TTC39B: variants seen among roughly 807,000 people sequenced by gnomAD.
The protein encoded by TTC39B is tetratricopeptide repeat protein 39B.
In TTC39B, 92 loss-of-function variants were observed where a neutral mutation model predicts 96.6. That is an observed-to-expected ratio of 0.95 (90% CI 0.80 to 1.13). The LOEUF (loss-of-function observed/expected upper bound fraction) is 1.13. TTC39B is among the 50% of genes most tolerant of loss of function. The probability of loss-of-function intolerance (pLI) is 0.00; values close to 1 mark genes in which losing one functional copy is unlikely to be tolerated. For missense variants in TTC39B, 955 were observed against 809.3 expected (o/e 1.18, Z -2.18); for synonymous variants, 367 against 299.4 (o/e 1.23, Z -2.33).
At chr9:15,217,264 C>G (rs977416213) in intron 3 of TTC39B, among the ~76,000 whole-genome samples, 4 of 152,188 alleles carry the variant, frequency 2.6e-5, no homozygotes, top group Non-Finnish European at 5.9e-5. Flanking sequence ...CCCATTTTAA[C>G]TCCTGCCAAT....
At chr9:15,270,655 C>G (rs888379818) in intron 1 of TTC39B, among the ~76,000 whole-genome samples, 1 of 151,516 alleles carries the variant, frequency 6.6e-6, no homozygotes, top group African/African-American at 2.4e-5. Flanking sequence ...TGGTGCACAC[C>G]TGTAGTCCCA....
chr9:15,267,425 T>C (rs1045703554), intron 2 of TTC39B, among the ~76,000 whole-genome samples: 4 of 152,250 alleles, frequency 2.6e-5, no homozygotes, highest in South Asian at 2.1e-4. Flanking sequence ...GCTATACACA[T>C]GTAAAACTTA....
At chr9:15,244,389 G>C (rs1402993995) in intron 2 of TTC39B, among the ~76,000 whole-genome samples, 1 of 152,220 alleles carries the variant, frequency 6.6e-6, no homozygotes, top group Non-Finnish European at 1.5e-5. Flanking sequence ...CGGGCAGTGT[G>C]GCTTTGCGCC....
At chr9:15,246,929 T>C (rs1046816157) in intron 2 of TTC39B, among the ~76,000 whole-genome samples, 2 of 152,280 alleles carry the variant, frequency 1.3e-5, no homozygotes, top group Non-Finnish European at 2.9e-5. Context: ...TACTAAGCTC[T>C]GTGGTGATTT....
chr9:15,232,829 A>G (rs1484530468), intron 2 of TTC39B, among the ~76,000 whole-genome samples: 1 of 152,182 alleles, frequency 6.6e-6, no homozygotes, highest in Non-Finnish European at 1.5e-5. Flanking sequence ...CTTTTTGGAG[A>G]GGCCGCCTAA....
At chr9:15,297,100 T>C (rs1824411118) in intron 1 of TTC39B, among the ~76,000 whole-genome samples, 1 of 152,184 alleles carries the variant, frequency 6.6e-6, no homozygotes, top group African/African-American at 2.4e-5. Flanking sequence ...TCTCCTGCAT[T>C]AATCACTTAA....
intron 3 of TTC39B, among the ~76,000 whole-genome samples, chr9:15,216,808 C>G (rs149869708): frequency 6.6e-6 from 1 of 152,308 alleles, no homozygotes; most frequent in South Asian, 2.1e-4. Context: ...ACAAGACACA[C>G]AGGAACCCAG....
At position 15,270,926 on chromosome 9, in the gene TTC39B, G is replaced by A. The variant is rs376536091; in HGVS notation, c.241-2978C>T. Among the ~76,000 whole-genome samples, 8 of 152,150 alleles carry A rather than the reference G, an allele frequency of 5.3e-5. No homozygotes were observed. The East Asian group carries it at 5.8e-4, about 11-fold the overall frequency. On this transcript the variant is annotated intron_variant, in intron 1 of 19. Transcript: ENST00000512701. Reference sequence around the variant, plus strand: ...GAAGAGAAGAACTAAGATTTACTGAGTACCTATCATGTGCCAGGCACCTTA... The same window carrying A: ...GAAGAGAAGAACTAAGATTTACTGAATACCTATCATGTGCCAGGCACCTTA...
chr9:15,243,690 A>C (rs1041989483), intron 2 of TTC39B, among the ~76,000 whole-genome samples: 1 of 152,200 alleles, frequency 6.6e-6, no homozygotes, highest in Non-Finnish European at 1.5e-5. Context: ...CAGGAGGATC[A>C]CTTGAGCCCA....
intron 6 of TTC39B, among the ~76,000 whole-genome samples, chr9:15,205,083 GT>G (rs1819769577): frequency 1.3e-5 from 2 of 152,148 alleles, no homozygotes; most frequent in Admixed American, 1.3e-4. Context: ...ATGGGACCTC[GT>G]CCCCTCTCTG....
chr9:15,172,628 A>T lies in TTC39B; in HGVS notation c.1959-519T>A, dbSNP rs149916849. ...CAATGGTTTGGCCAATAATTACATA[A>T]GAATTAGGCCAATGTCTTTAAAGGG... On this transcript the variant is annotated intron_variant, in intron 19 of 19. Coordinates refer to ENST00000512701, the Ensembl canonical transcript of TTC39B. 2.7e-3 allele frequency among the ~76,000 whole-genome samples: 416 copies of T among 152,276 alleles called. 5 individuals carry two copies. The highest frequency in any genetic ancestry group is 9.4e-3 in the African/African-American group (390 of 41,570).
intron 2 of TTC39B, among the ~76,000 whole-genome samples, chr9:15,242,676 C>A (rs1033404490): frequency 2.0e-5 from 3 of 152,104 alleles, no homozygotes. Flanking sequence ...TTGGTTCATC[C>A]TTCTAGACCA....
chr9:15,301,884 G>C (rs1228126915), intron 1 of TTC39B, among the ~76,000 whole-genome samples: 2 of 152,186 alleles, frequency 1.3e-5, no homozygotes, highest in Admixed American at 6.5e-5. Flanking sequence ...CCAAAAAGCA[G>C]GCGGTAAAAA....
At chr9:15,250,062 C>A (rs1418345624) in intron 2 of TTC39B, 1 of 1,283,234 alleles carries the variant, frequency 7.8e-7, no homozygotes, top group Non-Finnish European at 1.0e-6. Context: ...TCCTCAATTT[C>A]TATTTTATTC....
intron 1 of TTC39B, among the ~76,000 whole-genome samples, chr9:15,295,436 GAA>G (rs1824337639): frequency 1.3e-5 from 2 of 152,194 alleles, no homozygotes; most frequent in Non-Finnish European, 2.9e-5. Flanking sequence ...TAGAGTTAGG[GAA>G]TCTAGCTTCT....
At chr9:15,245,063 G>C (rs1259497985) in intron 2 of TTC39B, among the ~76,000 whole-genome samples, 1 of 152,182 alleles carries the variant, frequency 6.6e-6, no homozygotes, top group Admixed American at 6.5e-5. Context: ...TTCAATTACA[G>C]TGAGTAGCTT....
intron 7 of TTC39B, among the ~76,000 whole-genome samples, chr9:15,200,437 C>T (rs2131304713): frequency 6.6e-6 from 1 of 152,308 alleles, no homozygotes; most frequent in South Asian, 2.1e-4. Flanking sequence ...AATAACTGGT[C>T]TGGTTTCTGA....
At chr9:15,285,430 T>C (rs1823931814) in intron 1 of TTC39B, among the ~76,000 whole-genome samples, 1 of 152,224 alleles carries the variant, frequency 6.6e-6, no homozygotes, top group Non-Finnish European at 1.5e-5. Context: ...GATAAATGCT[T>C]GAAGTAATAG....
At chr9:15,172,073 T>C (rs775148961) in exon 20 of TTC39B, 6 of 1,612,920 alleles carry the variant, frequency 3.7e-6, no homozygotes, top group South Asian at 1.1e-5. Flanking sequence ...TTCTGAAGTG[T>C]AGTCTGGACT....
Sources: gnomAD v4.1 joint callset for allele counts (sites outside exome capture counted in the v4.1 genomes callset) on GRCh38, gnomAD v4.1.1 for gene constraint, MANE v1.5 for transcripts, NCBI Gene and HGNC (gene_info 2026-07-23, HGNC 2026-07-21) for gene names.